Variants in BRINP1 observed in about 807,000 individuals in gnomAD.
BRINP1 encodes the protein BMP/retinoic acid-inducible neural-specific protein 1.
BRINP1 carries 17 observed loss-of-function variants against 72.9 expected under a neutral mutation model. That is an observed-to-expected ratio of 0.23 (90% CI 0.16 to 0.35). BRINP1 has a LOEUF of 0.35. BRINP1 is among the 10% of genes least tolerant of loss of function. BRINP1 has a pLI of 1.00. For synonymous variants in BRINP1, 418 were observed against 378.5 expected, an observed-to-expected ratio of 1.10 and a Z score of -1.21; for missense variants, 850 against 1,001.6, an observed-to-expected ratio of 0.85 and a Z score of 2.04.
At chr9:119,169,476 G>A (rs972119892) in intron 7 of BRINP1, among the ~76,000 whole-genome samples, 12 of 152,240 alleles carry the variant, frequency 7.9e-5, no homozygotes, top group Non-Finnish European at 1.8e-4. Context: ...GGCTCGGAGG[G>A]TCCTACGCCC....
chr9:119,295,786 G>A lies in BRINP1; in HGVS notation c.218+17352C>T, dbSNP rs375387914. On this transcript the variant is annotated intron_variant, in intron 2 of 7. Transcript: ENST00000265922. ...CAAGGGTTCCAACCACACACAATGA[G>A]GAAAAGGTTCTCTCTTCAATAAATG... 1.0e-3 allele frequency among the ~76,000 whole-genome samples: 154 copies of A among 152,188 alleles called. 2 individuals carry two copies. The highest frequency in any genetic ancestry group is 3.6e-3 in the African/African-American group (149 of 41,528).
intron 2 of BRINP1, among the ~76,000 whole-genome samples, chr9:119,278,310 CG>C (rs1830675743): frequency 6.6e-6 from 1 of 152,196 alleles, no homozygotes; most frequent in African/African-American, 2.4e-5. Flanking sequence ...GCACTGGCTG[CG>C]TTTGGAGCCT....
intron 2 of BRINP1, among the ~76,000 whole-genome samples, chr9:119,300,486 A>C (rs1830928291): frequency 6.6e-6 from 1 of 152,184 alleles, no homozygotes; most frequent in Non-Finnish European, 1.5e-5. Flanking sequence ...GTAACCCATA[A>C]GTATATACAC....
chr9:119,331,453 A>T (rs1831299936), intron 1 of BRINP1, among the ~76,000 whole-genome samples: 1 of 152,262 alleles, frequency 6.6e-6, no homozygotes, highest in Admixed American at 6.5e-5. Flanking sequence ...TGCTAGCAGC[A>T]CACAGAGCCC....
chr9:119,253,772 CTGTG>C (rs915335108), intron 2 of BRINP1, among the ~76,000 whole-genome samples: 1 of 152,128 alleles, frequency 6.6e-6, no homozygotes, highest in Non-Finnish European at 1.5e-5. Flanking sequence ...ATGTGTGTGT[CTGTG>C]TGTACCTGTA....
chr9:119,297,886 G>T (rs1297999150), intron 2 of BRINP1, among the ~76,000 whole-genome samples: 1 of 152,176 alleles, frequency 6.6e-6, no homozygotes, highest in African/African-American at 2.4e-5. Flanking sequence ...ACTTTGTTCT[G>T]TCTGCAGGAA....
At chr9:119,186,740 G>T (rs1380091366) in intron 7 of BRINP1, among the ~76,000 whole-genome samples, 1 of 152,102 alleles carries the variant, frequency 6.6e-6, no homozygotes, top group Non-Finnish European at 1.5e-5. Flanking sequence ...CGACTGAGAG[G>T]CCCTACCTCC....
At chr9:119,250,028 G>GGGAA (rs1207575861) in intron 2 of BRINP1, among the ~76,000 whole-genome samples, 1 of 127,806 alleles carries the variant, frequency 7.8e-6, no homozygotes, top group East Asian at 2.5e-4. Flanking sequence ...GAGGGAAGGA[G>GGGAA]GGAAGGAAGG....
intron 1 of BRINP1, among the ~76,000 whole-genome samples, chr9:119,358,508 A>G (rs2119039885): frequency 6.6e-6 from 1 of 152,338 alleles, no homozygotes; most frequent in Non-Finnish European, 1.5e-5. Context: ...AGCCTCAGCA[A>G]CACAGTGAAA....
At chr9:119,182,291 C>T (rs776333804) in intron 7 of BRINP1, among the ~76,000 whole-genome samples, 7 of 151,776 alleles carry the variant, frequency 4.6e-5, no homozygotes, top group South Asian at 2.1e-4. Context: ...AAGTGCTCAC[C>T]GTAAAAGAAG....
intron 7 of BRINP1, among the ~76,000 whole-genome samples, chr9:119,183,616 G>A (rs907582484): frequency 2.0e-5 from 3 of 152,096 alleles, no homozygotes; most frequent in Admixed American, 6.5e-5. Context: ...CTTTCTGTAC[G>A]TATGTAATAC....
chr9:119,327,360 G>C (rs1039681477), intron 1 of BRINP1, among the ~76,000 whole-genome samples: 2 of 152,142 alleles, frequency 1.3e-5, no homozygotes, highest in Non-Finnish European at 2.9e-5. Context: ...GGAGGACCAA[G>C]ATTCCTGTTT....
intron 1 of BRINP1, among the ~76,000 whole-genome samples, chr9:119,347,904 C>T (rs1287984563): frequency 6.6e-6 from 1 of 152,160 alleles, no homozygotes; most frequent in Non-Finnish European, 1.5e-5. Flanking sequence ...ATAGCATCCC[C>T]CATTATCAAC....
intron 5 of BRINP1, among the ~76,000 whole-genome samples, chr9:119,215,564 C>T (rs1444025575): frequency 6.6e-6 from 1 of 152,074 alleles, no homozygotes; most frequent in African/African-American, 2.4e-5. Flanking sequence ...CTCCTTAATC[C>T]AACTCATCAG....
chr9:119,231,177 T>G (rs1050507515), intron 5 of BRINP1, among the ~76,000 whole-genome samples: 2 of 152,042 alleles, frequency 1.3e-5, no homozygotes, highest in Non-Finnish European at 2.9e-5. Flanking sequence ...TCATACAATT[T>G]AAAATCTATG....
At position 119,361,630 on chromosome 9, in the gene BRINP1, T is replaced by G. The variant is rs185260042; in HGVS notation, c.-51+7426A>C. On this transcript the variant is annotated intron_variant, in intron 1 of 7. Transcript: ENST00000265922. ...CATATTCTTCTTCTTCTTTTTTTTG[T>G]TTTTTTTTCAGACAGAGCCTCACTC... 5.7e-4 allele frequency among the ~76,000 whole-genome samples: 85 copies of G among 149,840 alleles called. 1 individual carries two copies. The highest frequency in any genetic ancestry group is 2.0e-3 in the African/African-American group (82 of 40,706).
At chr9:119,268,285 T>TAGATAGATAGATAGATAGATAGACAGAC (rs1554752344) in intron 2 of BRINP1, among the ~76,000 whole-genome samples, 7 of 148,502 alleles carry the variant, frequency 4.7e-5, no homozygotes, top group Non-Finnish European at 8.9e-5. Context: ...GATAGATAGA[T>TAGATAGATAGATAGATAGATAGACAGAC]AGATAGATAG....
At chr9:119,204,918 T>C (rs931758150) in intron 7 of BRINP1, among the ~76,000 whole-genome samples, 2 of 152,358 alleles carry the variant, frequency 1.3e-5, no homozygotes, top group Middle Eastern at 3.4e-3. Flanking sequence ...AAGCCACCTG[T>C]TTGTGAGACA....
intron 2 of BRINP1, among the ~76,000 whole-genome samples, chr9:119,276,584 TG>T (rs1384232624): frequency 6.6e-6 from 1 of 152,164 alleles, no homozygotes; most frequent in African/African-American, 2.4e-5. Flanking sequence ...AACCCATCGG[TG>T]GATATGTAAC....
Sources: allele counts gnomAD v4.1 joint callset (sites outside exome capture counted in the v4.1 genomes callset), GRCh38; gene constraint gnomAD v4.1.1; transcripts MANE v1.5; gene names NCBI Gene and HGNC (gene_info 2026-07-23, HGNC 2026-07-21).